KCNA2: variants seen among roughly 807,000 people sequenced by gnomAD.
KCNA2 encodes potassium voltage-gated channel subfamily A member 2.
Under a neutral mutation model 33.4 loss-of-function variants are expected in KCNA2, and 11 were observed. The ratio of observed to expected loss-of-function variants is 0.33; its 90% CI spans 0.21 to 0.55. KCNA2 has a LOEUF of 0.55. Ranked by LOEUF, KCNA2 falls within the 20% of genes least tolerant of loss-of-function variation. The pLI, the probability that KCNA2 is intolerant of heterozygous loss-of-function variation, is 0.93. For missense variants in KCNA2, 291 were observed against 621.6 expected (o/e 0.47, Z 5.66); for synonymous variants, 222 against 231.3 (o/e 0.96, Z 0.37).
chr1:110,596,584 G>T lies in KCNA2; in HGVS notation c.*6699C>A. ...GTCTTCTCTACCTATGTCCACTACT[G>T]TACAATAAGCATTGAGGTTTACAAT... On this transcript the variant is annotated 3_prime_UTR_variant, in exon 3 of 3. Coordinates refer to ENST00000316361, the MANE Select transcript of KCNA2 (RefSeq NM_004974.4). The T allele has an allele frequency of 3.5e-6, 1 of 281,876 alleles. No homozygotes were observed. Among genetic ancestry groups the T allele is most frequent in the Non-Finnish European group, 5.4e-6 (1 of 186,880 alleles). The allele number at this position is 281,876 out of a possible 1,614,324, so 17.5% of individuals were successfully genotyped here.
At chr1:110,618,709 CCA>C (rs1650151730) in intron 1 of KCNA2, among the ~76,000 whole-genome samples, 2 of 152,008 alleles carry the variant, frequency 1.3e-5, no homozygotes, top group South Asian at 4.2e-4. Flanking sequence ...TCCCATGCCC[CCA>C]CACCTGAACC....
At position 110,598,794 on chromosome 1, in the gene KCNA2, AG is replaced by A; in HGVS notation, c.*4488del. 3 of 985,364 alleles carry A rather than the reference AG, an allele frequency of 3.0e-6. No individual in the cohort carries two copies. The highest frequency in any genetic ancestry group is 9.4e-5 in the South Asian group (2 of 21,286). The allele number at this position is 985,364 out of a possible 1,614,324, so 61.0% of individuals were successfully genotyped here. The stretch of plus-strand genomic sequence containing the variant: ...AAGAGAGCATGTCAAATATTACTGA[AG>A]TTTCAGAAAGCACAGAGCCTTAATT... On this transcript the variant is annotated 3_prime_UTR_variant, in exon 3 of 3. Transcript: ENST00000316361.
In KCNA2 at chr1:110,593,935, T is replaced by A; in HGVS notation, c.*9348A>T. On this transcript the variant is annotated 3_prime_UTR_variant, in exon 3 of 3. Transcript: ENST00000316361. The stretch of plus-strand genomic sequence containing the variant: ...ATGTAGTTACAGCTGGTGTCTAAAT[T>A]TTCAAGAAGCAAACAAATAGTTAAA... 8.4e-6 allele frequency: 13 copies of A among 1,549,660 alleles called. No homozygotes were observed. Among genetic ancestry groups the A allele is most frequent in the Non-Finnish European group, 1.1e-5 (13 of 1,146,656 alleles).
chr1:110,616,644 C>T (rs1650076019), intron 1 of KCNA2, among the ~76,000 whole-genome samples: 1 of 152,216 alleles, frequency 6.6e-6, no homozygotes, highest in African/African-American at 2.4e-5. Flanking sequence ...GAGGCAGGTG[C>T]TATGTTCACT....
intron 1 of KCNA2, among the ~76,000 whole-genome samples, chr1:110,613,250 C>G (rs374087055): frequency 6.6e-6 from 1 of 152,202 alleles, no homozygotes; most frequent in Non-Finnish European, 1.5e-5. Flanking sequence ...TTCCTGGTCT[C>G]CACCCACCAA....
chr1:110,613,221 G>A (rs532040000), intron 1 of KCNA2, among the ~76,000 whole-genome samples: 31 of 152,180 alleles, frequency 2.0e-4, no homozygotes, highest in African/African-American at 6.0e-4. Context: ...CATCCTCCAC[G>A]AAGCCTTTCT....
upstream of KCNA2, among the ~76,000 whole-genome samples, chr1:110,610,731 G>A (rs752016836): frequency 1.7e-4 from 26 of 152,252 alleles, no homozygotes; most frequent in South Asian, 6.2e-4. Flanking sequence ...CCCAGGGGTC[G>A]TCTCTCCTGG....
Position 110,604,860 on chromosome 1 carries a change from C to A in KCNA2, c.-78G>T. 7.4e-7 allele frequency: 1 copy of A among 1,356,650 alleles called. No individual in the cohort carries two copies. The allele number at this position is 1,356,650 out of a possible 1,614,324, so 84.0% of individuals were successfully genotyped here. On this transcript the variant is annotated 5_prime_UTR_variant, in exon 3 of 3. Coordinates refer to ENST00000316361, the MANE Select transcript of KCNA2 (RefSeq NM_004974.4). The surrounding 1 kb of genome is among the most constrained non-coding windows in gnomAD (Gnocchi z 7.6). The stretch of plus-strand genomic sequence containing the variant: ...AGGGAGCTCAGGGTGCTGCTACTGG[C>A]CCCAGGAAGCACAGGAGCATTGGCC...
Position 110,604,924 on chromosome 1 carries a change from C to G in KCNA2, c.-142G>C. On this transcript the variant is annotated 5_prime_UTR_variant, in exon 3 of 3. Transcript: ENST00000316361. The surrounding 1 kb of genome is among the most constrained non-coding windows in gnomAD (Gnocchi z 7.6). ...GAGAGCCCCGAGAGCTCTCTGAGAGCTGGAGAGACAGCCTCGCTTGGCTGA... is the reference window on the plus strand; with the variant it reads ...GAGAGCCCCGAGAGCTCTCTGAGAGGTGGAGAGACAGCCTCGCTTGGCTGA... 1.3e-6 allele frequency: 1 copy of G among 755,112 alleles called. No homozygotes were observed. Among genetic ancestry groups the G allele is most frequent in the African/African-American group, 1.8e-5 (1 of 57,016 alleles). The allele number at this position is 755,112 out of a possible 1,614,324, so 46.8% of individuals were successfully genotyped here. A position where few individuals can be genotyped will look rare whatever the true frequency, so the allele number is the denominator to read the frequency against.
Position 110,599,454 on chromosome 1 carries a change from G to A in KCNA2, c.*3829C>T, listed in dbSNP as rs1449354847. The A allele has an allele frequency of 4.1e-6, 4 of 985,192 alleles. No homozygotes were observed. Among genetic ancestry groups the A allele is most frequent in the Non-Finnish European group, 4.8e-6 (4 of 829,828 alleles). The allele number at this position is 985,192 out of a possible 1,614,324, so 61.0% of individuals were successfully genotyped here. A position where few individuals can be genotyped will look rare whatever the true frequency, so the allele number is the denominator to read the frequency against. On this transcript the variant is annotated 3_prime_UTR_variant, in exon 3 of 3. Coordinates refer to ENST00000316361, the MANE Select transcript of KCNA2 (RefSeq NM_004974.4). ...AATTGGATGGGAGGCAGGGCATCCAGGGGAGCCCAACAAGAGGAAAAGGAA... is the reference window on the plus strand; with the variant it reads ...AATTGGATGGGAGGCAGGGCATCCAAGGGAGCCCAACAAGAGGAAAAGGAA...
At chr1:110,619,124 C>A (rs1348381019) in intron 1 of KCNA2, among the ~76,000 whole-genome samples, 2 of 152,198 alleles carry the variant, frequency 1.3e-5, no homozygotes, top group African/African-American at 4.8e-5. Context: ...CCCTCTGCAG[C>A]TGCCTCCTTC....
chr1:110,600,237 T>C lies in KCNA2; in HGVS notation c.*3046A>G, dbSNP rs1345636156. ...GCGATATTTTTGGGCATGTGTGCTA[T>C]GTATCTTGTATGCCTATTATAAGTT... On this transcript the variant is annotated 3_prime_UTR_variant, in exon 3 of 3. Transcript: ENST00000316361. 1.0e-6 allele frequency: 1 copy of C among 982,050 alleles called. No homozygotes were observed. The highest frequency in any genetic ancestry group is 1.2e-6 in the Non-Finnish European group (1 of 829,406). 60.8% of individuals were successfully genotyped at this position (982,050 alleles called of 1,614,324 possible).
In KCNA2 at chr1:110,594,763, C is replaced by T. The variant is rs530990299; in HGVS notation, c.*8520G>A. On this transcript the variant is annotated 3_prime_UTR_variant, in exon 3 of 3. Transcript: ENST00000316361. ...ACCCTCAGGAGCTGAGACTCACCCC[C>T]GCCAAAGCCAGCCAGGCCTCTCTTC... The T allele has an allele frequency of 1.9e-5, 19 of 985,466 alleles. No individual in the cohort carries two copies. The highest frequency in any genetic ancestry group is 1.2e-4 in the African/African-American group (7 of 57,342). The allele number at this position is 985,466 out of a possible 1,614,324, so 61.0% of individuals were successfully genotyped here. A position where few individuals can be genotyped will look rare whatever the true frequency, so the allele number is the denominator to read the frequency against.
intron 1 of KCNA2, among the ~76,000 whole-genome samples, chr1:110,627,399 A>C (rs887880864): frequency 6.6e-6 from 1 of 152,206 alleles, no homozygotes; most frequent in Non-Finnish European, 1.5e-5. Context: ...GATTTTATCC[A>C]CTGCCCATGT....
In KCNA2 at chr1:110,597,937, G is replaced by A. The variant is rs896025024; in HGVS notation, c.*5346C>T. 2.5e-5 allele frequency: 25 copies of A among 985,194 alleles called. No individual in the cohort carries two copies. The highest frequency in any genetic ancestry group is 2.9e-5 in the Non-Finnish European group (24 of 829,854). The allele number at this position is 985,194 out of a possible 1,614,324, so 61.0% of individuals were successfully genotyped here. The stretch of plus-strand genomic sequence containing the variant: ...AGAGAACCTTCCTGCATGTAGGGGA[G>A]CCCCTACCTCCATCTGTCCCTGCTG... On this transcript the variant is annotated 3_prime_UTR_variant, in exon 3 of 3. Coordinates refer to ENST00000316361, the MANE Select transcript of KCNA2 (RefSeq NM_004974.4).
At chr1:110,627,565 G>A (rs1650431168) in intron 1 of KCNA2, among the ~76,000 whole-genome samples, 1 of 152,174 alleles carries the variant, frequency 6.6e-6, no homozygotes, top group Non-Finnish European at 1.5e-5. Flanking sequence ...GCTAGGGCTA[G>A]CTCCTGGGTT....
chr1:110,614,605 C>A (rs1322881325), intron 1 of KCNA2, among the ~76,000 whole-genome samples: 7 of 152,226 alleles, frequency 4.6e-5, no homozygotes, highest in Non-Finnish European at 7.3e-5. Context: ...TTGTAAGTCA[C>A]TTCCCCTCTT....
chr1:110,598,551 C>T lies in KCNA2; in HGVS notation c.*4732G>A, dbSNP rs925318328. 104 of 985,256 alleles carry T rather than the reference C, an allele frequency of 1.1e-4. 1 individual carries two copies. The highest frequency in any genetic ancestry group is 1.2e-4 in the Non-Finnish European group (101 of 829,960). 61.0% of individuals were successfully genotyped at this position (985,256 alleles called of 1,614,324 possible). ...ATCCAGGAAGAATAGGTAGAACAAG[C>T]TAGTCCTGGGCCCTCCCAACACGGA... On this transcript the variant is annotated 3_prime_UTR_variant, in exon 3 of 3. Transcript: ENST00000316361.
In KCNA2 at chr1:110,604,626, G is replaced by A; in HGVS notation, c.157C>T (p.Gln53Ter). 1 of 1,614,206 alleles carries A rather than the reference G, an allele frequency of 6.2e-7. No homozygotes were observed. The highest frequency in any genetic ancestry group is 8.5e-7 in the Non-Finnish European group (1 of 1,180,034). ...RFETQLKTLA[Q>*]FPETLLGDPK... Reference sequence around the variant, plus strand: ...TCCCCTAAGAGGGTCTCTGGAAACTGGGCTAAGGTCTTTAGCTGGGTCTCA... The same window carrying A: ...TCCCCTAAGAGGGTCTCTGGAAACTAGGCTAAGGTCTTTAGCTGGGTCTCA... The change falls in exon 3 of 3, where the codon CAG (glutamine) becomes TAG (stop). Residue 53 changes from glutamine (Q) to a stop codon, truncating the protein, a stop_gained. Transcript: ENST00000316361. LOFTEE classifies it high-confidence loss of function. This position sits in a 1 kb window ranked among gnomAD's most constrained non-coding sequence, Gnocchi z 7.6.
Sources: gnomAD v4.1 joint callset for allele counts (sites outside exome capture counted in the v4.1 genomes callset) on GRCh38, gnomAD v4.1.1 for gene constraint, Gnocchi (gnomAD v3.1) non-coding constraint, MANE v1.5 for transcripts, NCBI Gene and HGNC (gene_info 2026-07-23, HGNC 2026-07-21) for gene names.